The following TANGO6 variants were observed in gnomAD, a reference collection of about 807,000 sequenced individuals.
The protein encoded by TANGO6 is transport and golgi organization 6 homolog, also known as transport and Golgi organization protein 6 homolog.
In TANGO6, 90 loss-of-function variants were observed where a neutral mutation model predicts 114.2. The ratio of observed to expected loss-of-function variants is 0.79; its 90% CI spans 0.66 to 0.94. The LOEUF (loss-of-function observed/expected upper bound fraction) is 0.94, where lower values mean the gene tolerates loss of function less well. Ranked by LOEUF, TANGO6 falls within the 40% of genes least tolerant of loss-of-function variation. The pLI, the probability that TANGO6 is intolerant of heterozygous loss-of-function variation, is 0.00. For missense variants in TANGO6, 1,274 were observed against 1,315.3 expected (o/e 0.97, Z 0.49); for synonymous variants, 477 against 509.8 (o/e 0.94, Z 0.87).
At chr16:69,082,785 G>A (rs747846181) in intron 17 of TANGO6, among the ~76,000 whole-genome samples, 15 of 151,914 alleles carry the variant, frequency 9.9e-5, no homozygotes, top group South Asian at 4.1e-4. Flanking sequence ...ATAATTGCCC[G>A]TACTGTGGGT....
Position 68,983,260 on chromosome 16 carries a change from ACT to A in TANGO6, c.2842+9097_2842+9098del, listed in dbSNP as rs376894086. ...CCTCTGCCCATAGTAACACCCAAAT[ACT>A]CTCTGAATTCTAATTTAGTTTCCTG... On this transcript the variant is annotated intron_variant, in intron 15 of 17. Coordinates refer to ENST00000261778, the MANE Select transcript of TANGO6 (RefSeq NM_024562.2). Among the ~76,000 whole-genome samples, 77 of 152,166 alleles carry A rather than the reference ACT, an allele frequency of 5.1e-4. 2 individuals carry two copies. The South Asian group carries it at 0.014, about 28-fold the overall frequency.
In TANGO6 at chr16:68,913,089, A is replaced by C. The variant is rs113515157; in HGVS notation, c.1992+3687A>C. 9.4e-3 allele frequency among the ~76,000 whole-genome samples: 1,422 copies of C among 151,624 alleles called. 8 individuals carry two copies. Among genetic ancestry groups the C allele is most frequent in the Non-Finnish European group, 0.014 (940 of 67,874 alleles). On this transcript the variant is annotated intron_variant, in intron 11 of 17. Coordinates refer to ENST00000261778, the MANE Select transcript of TANGO6 (RefSeq NM_024562.2). The stretch of plus-strand genomic sequence containing the variant: ...AGTGAGACTCAAAAAAAAAAAAAAA[A>C]AACAGGGTAATAACAAATGTTGCAA...
chr16:69,030,268 G>A (rs369996204), intron 16 of TANGO6, among the ~76,000 whole-genome samples: 2 of 152,138 alleles, frequency 1.3e-5, no homozygotes, highest in East Asian at 3.9e-4. Flanking sequence ...TAATCTGGTG[G>A]ACACAGACAT....
chr16:68,930,172 A>G, intron 13 of TANGO6, 66 bp from the exon 14 acceptor site: 1 of 1,390,236 alleles, frequency 7.2e-7, no homozygotes, highest in South Asian at 1.2e-5. Context: ...AGCTGCTGAT[A>G]AGGGAGCCTC....
intron 14 of TANGO6, among the ~76,000 whole-genome samples, chr16:68,936,826 C>G (rs1388282860): frequency 2.6e-5 from 4 of 151,594 alleles, no homozygotes; most frequent in African/African-American, 9.7e-5. Flanking sequence ...AAAAAAACCA[C>G]CTGGGCTCTG....
rs1963189425 is a variant in TANGO6 at position 68,927,882 on chromosome 16, A to G, written c.2442A>G (p.Pro814=). 2 of 1,613,870 alleles carry G rather than the reference A, an allele frequency of 1.2e-6. No homozygotes were observed. Among genetic ancestry groups the G allele is most frequent in the Non-Finnish European group, 1.7e-6 (2 of 1,179,862 alleles). ...APQTGLQSNA[P]IIPQGVNEPS... The stretch of plus-strand genomic sequence containing the variant: ...AGACAGGCCTGCAGTCAAATGCTCC[A>G]ATCATTCCTCAAGGAGTCAATGAGC... The change falls in exon 13 of 18, where the codon CCA becomes CCG. Residue 814 remains proline, a synonymous_variant. Coordinates refer to ENST00000261778, the MANE Select transcript of TANGO6 (RefSeq NM_024562.2).
intron 6 of TANGO6, among the ~76,000 whole-genome samples, chr16:68,880,163 G>A (rs1029480364): frequency 6.6e-6 from 1 of 151,568 alleles, no homozygotes; most frequent in African/African-American, 2.4e-5. Flanking sequence ...TAGTAGAGAT[G>A]GGGTTTCACC....
intron 15 of TANGO6, among the ~76,000 whole-genome samples, chr16:69,004,512 C>A (rs936301520): frequency 6.6e-6 from 1 of 152,030 alleles, no homozygotes; most frequent in Admixed American, 6.6e-5. Context: ...CTTGCCACCA[C>A]GCCCGGCTAA....
chr16:68,981,321 C>T (rs921574340), intron 15 of TANGO6, among the ~76,000 whole-genome samples: 2 of 150,034 alleles, frequency 1.3e-5, no homozygotes, highest in African/African-American at 4.9e-5. Context: ...AGCAATTCTC[C>T]TGCCTCAGCC....
chr16:68,980,409 C>CTCTCTCTA (rs1408626276), intron 15 of TANGO6, among the ~76,000 whole-genome samples: 3 of 67,994 alleles, frequency 4.4e-5, no homozygotes, highest in South Asian at 5.3e-4. Context: ...CTCTCTCTCT[C>CTCTCTCTA]TATATATATA....
Position 69,044,235 on chromosome 16 carries a change from T to C in TANGO6, c.3108+3814T>C, listed in dbSNP as rs1235907241. On this transcript the variant is annotated intron_variant, in intron 17 of 17. Transcript: ENST00000261778. ...TTGCACCATCACGCTCAGCTAATTT[T>C]TGTATTTTTAGTAGAGACAGGGTTT... Among the ~76,000 whole-genome samples the C allele has an allele frequency of 3.9e-5, 6 of 152,298 alleles. No individual in the cohort carries two copies. The East Asian group carries it at 1.2e-3, about 29-fold the overall frequency.
At chr16:68,861,197 C>T (rs78921574) in intron 2 of TANGO6, among the ~76,000 whole-genome samples, 2,216 of 152,200 alleles carry the variant, frequency 0.015, 47 homozygotes, top group African/African-American at 0.051. Flanking sequence ...GAAGCACTAC[C>T]CCCGCCATGA....
At chr16:68,951,673 C>T (rs1013310006) in intron 14 of TANGO6, among the ~76,000 whole-genome samples, 2 of 147,774 alleles carry the variant, frequency 1.4e-5, no homozygotes, top group African/African-American at 5.0e-5. Flanking sequence ...AGTGCAGTGG[C>T]GTGATCTCAG....
rs79087442 is a variant in TANGO6 at position 68,941,824 on chromosome 16, A to G, written c.2701+11529A>G. Among the ~76,000 whole-genome samples, 956 of 152,206 alleles carry G rather than the reference A, an allele frequency of 6.3e-3. 15 individuals carry two copies. Among genetic ancestry groups the G allele is most frequent in the African/African-American group, 0.022 (912 of 41,540 alleles). Reference sequence around the variant, plus strand: ...TTAAAAGGCTGAAAATATTTGATGAAAACAGAATTACAGTTGGGCATAGTG... The same window carrying G: ...TTAAAAGGCTGAAAATATTTGATGAGAACAGAATTACAGTTGGGCATAGTG... On this transcript the variant is annotated intron_variant, in intron 14 of 17. Coordinates refer to ENST00000261778, the MANE Select transcript of TANGO6 (RefSeq NM_024562.2).
intron 17 of TANGO6, among the ~76,000 whole-genome samples, chr16:69,060,719 C>G (rs1400494057): frequency 4.6e-5 from 7 of 152,100 alleles, no homozygotes; most frequent in African/African-American, 1.7e-4. Flanking sequence ...CTAAGCCAGG[C>G]ATGGTGGCTC....
chr16:68,948,736 A>G (rs563232028), intron 14 of TANGO6, among the ~76,000 whole-genome samples: 1 of 152,228 alleles, frequency 6.6e-6, no homozygotes, highest in South Asian at 2.1e-4. Context: ...TTTTTAAGCA[A>G]TCTCTGTGTG....
At chr16:68,922,980 G>A (rs1010990768) in intron 12 of TANGO6, among the ~76,000 whole-genome samples, 3 of 119,356 alleles carry the variant, frequency 2.5e-5, no homozygotes, top group African/African-American at 3.4e-5. Flanking sequence ...ATGGAGTTTC[G>A]CTCGTTGCCC....
At chr16:69,035,758 G>C (rs1193935799) in intron 16 of TANGO6, 2 of 152,204 alleles carry the variant, frequency 1.3e-5, no homozygotes, top group African/African-American at 4.8e-5. Flanking sequence ...GGTGACAAAA[G>C]GATGAATTTC....
At chr16:68,978,432 T>C (rs1963786298) in intron 15 of TANGO6, among the ~76,000 whole-genome samples, 1 of 152,326 alleles carries the variant, frequency 6.6e-6, no homozygotes, top group Non-Finnish European at 1.5e-5. Context: ...AGTTCCCTTC[T>C]TTCTGTAGCC....
Sources: gnomAD v4.1 joint callset for allele counts (sites outside exome capture counted in the v4.1 genomes callset) on GRCh38, gnomAD v4.1.1 for gene constraint, MANE v1.5 for transcripts, NCBI Gene and HGNC (gene_info 2026-07-23, HGNC 2026-07-21) for gene names.